The following SLCO6A1 variants were observed in gnomAD, a reference collection of about 807,000 sequenced individuals.
The protein encoded by SLCO6A1 is solute carrier organic anion transporter family member 6A1.
SLCO6A1 carries 65 observed loss-of-function variants against 72.7 expected under a neutral mutation model. The ratio of observed to expected loss-of-function variants is 0.89; its 90% CI spans 0.73 to 1.10. The LOEUF (loss-of-function observed/expected upper bound fraction) is 1.10. Ranked by LOEUF, SLCO6A1 falls within the 50% of genes least tolerant of loss-of-function variation. The pLI is 0.00. For missense variants in SLCO6A1, 874 were observed against 872.6 expected, an observed-to-expected ratio of 1.00 and a Z score of -0.02; for synonymous variants, 314 against 298.2, an observed-to-expected ratio of 1.05 and a Z score of -0.55.
intron 6 of SLCO6A1, among the ~76,000 whole-genome samples, chr5:102,440,175 G>A (rs568720746): frequency 1.3e-3 from 191 of 152,162 alleles, no homozygotes; most frequent in African/African-American, 4.4e-3. Flanking sequence ...GAGCAAACAA[G>A]CCTTCAGATG....
intron 6 of SLCO6A1, among the ~76,000 whole-genome samples, chr5:102,439,445 C>T (rs1749718198): frequency 6.6e-6 from 1 of 151,890 alleles, no homozygotes; most frequent in South Asian, 2.1e-4. Flanking sequence ...ATATTTAGTG[C>T]TATTTTATGT....
chr5:102,443,580 CA>C (rs1304148594), intron 6 of SLCO6A1, among the ~76,000 whole-genome samples: 1 of 152,054 alleles, frequency 6.6e-6, no homozygotes, highest in Non-Finnish European at 1.5e-5. Flanking sequence ...GTGCTGATGC[CA>C]AAAACTGTAA....
At chr5:102,490,018 A>C (rs1207193526) in intron 1 of SLCO6A1, among the ~76,000 whole-genome samples, 2 of 152,240 alleles carry the variant, frequency 1.3e-5, no homozygotes. Flanking sequence ...GTTCTCACTC[A>C]TATGTATAAT....
intron 7 of SLCO6A1, among the ~76,000 whole-genome samples, chr5:102,424,984 T>C (rs931880520): frequency 8.5e-5 from 13 of 152,160 alleles, no homozygotes; most frequent in Admixed American, 7.9e-4. Flanking sequence ...TCAATAAACA[T>C]AATCCATCAC....
intron 9 of SLCO6A1, among the ~76,000 whole-genome samples, chr5:102,406,895 G>A (rs953848597): frequency 6.6e-6 from 1 of 152,152 alleles, no homozygotes; most frequent in Non-Finnish European, 1.5e-5. Context: ...ATAAACAGAT[G>A]AAAGGGGACA....
intron 12 of SLCO6A1, among the ~76,000 whole-genome samples, chr5:102,375,850 A>C (rs1745754882): frequency 6.6e-6 from 1 of 152,120 alleles, no homozygotes; most frequent in Admixed American, 6.6e-5. Flanking sequence ...AGTAGGAAAA[A>C]TGAGATAAAA....
chr5:102,445,317 T>C (rs1406129052), intron 6 of SLCO6A1, among the ~76,000 whole-genome samples: 2 of 152,194 alleles, frequency 1.3e-5, no homozygotes, highest in Non-Finnish European at 2.9e-5. Flanking sequence ...TCCCTAATAA[T>C]GAGTGACACT....
intron 10 of SLCO6A1, among the ~76,000 whole-genome samples, chr5:102,391,736 T>C (rs145618252): frequency 1.3e-5 from 2 of 152,258 alleles, no homozygotes; most frequent in East Asian, 3.9e-4. Flanking sequence ...AAATAGTCAC[T>C]TAATTCAACC....
At chr5:102,476,897 T>C (rs1751927940) in intron 3 of SLCO6A1, among the ~76,000 whole-genome samples, 1 of 152,058 alleles carries the variant, frequency 6.6e-6, no homozygotes, top group Non-Finnish European at 1.5e-5. Flanking sequence ...TAGATAACCC[T>C]GTACAAATAG....
rs1750738562 is a variant in SLCO6A1, at chr5:102,373,443, A to G, written c.2069T>C (p.Ile690Thr). ...TIIFTTIAFF[I>T]YKRRLNENTD... ...GTTCTCATTTAGACGACGTTTGTAT[A>G]TGAAAAATGCAATAGTAGTGAAGAT... The change falls in exon 13 of 14, where the codon ATA (isoleucine) becomes ACA (threonine). Residue 690 changes from isoleucine to threonine, a missense_variant. Transcript: ENST00000506729. 3 of 1,574,848 alleles carry G rather than the reference A, an allele frequency of 1.9e-6. No individual in the cohort carries two copies. In the Admixed American group the frequency reaches 5.6e-5, roughly 29 times the overall value.
chr5:102,454,997 AATATATATAAAT>A (rs1332163467), intron 6 of SLCO6A1, among the ~76,000 whole-genome samples: 12 of 81,002 alleles, frequency 1.5e-4, no homozygotes, highest in Non-Finnish European at 2.5e-4. Flanking sequence ...AGTATAACAA[AATATATATAAAT>A]ATATATATAT....
chr5:102,458,251 T>C (rs1177645390), intron 6 of SLCO6A1, 131 bp downstream of exon 6: 2 of 623,010 alleles, frequency 3.2e-6, no homozygotes, highest in Non-Finnish European at 5.5e-6. Context: ...TAAAGTATAA[T>C]AATAAAAAAG....
chr5:102,418,680 A>C (rs1748426318), intron 8 of SLCO6A1, among the ~76,000 whole-genome samples: 1 of 152,112 alleles, frequency 6.6e-6, no homozygotes, highest in Admixed American at 6.6e-5. Context: ...TGGCCAGGCC[A>C]TAGTACTTTA....
At chr5:102,407,522 C>T (rs769338403) in intron 9 of SLCO6A1, among the ~76,000 whole-genome samples, 3 of 152,204 alleles carry the variant, frequency 2.0e-5, no homozygotes, top group Non-Finnish European at 2.9e-5. Context: ...AATATTGGAG[C>T]TCATCTGCCT....
At chr5:102,462,795 T>G (rs1181231591) in intron 4 of SLCO6A1, among the ~76,000 whole-genome samples, 1 of 152,200 alleles carries the variant, frequency 6.6e-6, no homozygotes, top group Non-Finnish European at 1.5e-5. Flanking sequence ...ATCAAAGACT[T>G]AAATTTAAGA....
chr5:102,435,919 A>G (rs1370894401), intron 7 of SLCO6A1, among the ~76,000 whole-genome samples: 1 of 151,922 alleles, frequency 6.6e-6, no homozygotes, highest in African/African-American at 2.4e-5. Flanking sequence ...CTGGAGGTTT[A>G]TAGTGGATTG....
chr5:102,430,581 T>G (rs1226604794), intron 7 of SLCO6A1, among the ~76,000 whole-genome samples: 1 of 152,182 alleles, frequency 6.6e-6, no homozygotes, highest in Non-Finnish European at 1.5e-5. Context: ...TTTAGTTCTA[T>G]TTATGTGATA....
At chr5:102,468,954 A>C (rs917562916) in intron 4 of SLCO6A1, among the ~76,000 whole-genome samples, 4 of 152,146 alleles carry the variant, frequency 2.6e-5, no homozygotes, top group African/African-American at 9.7e-5. Context: ...AGGTTTGTCA[A>C]AGATCAGATG....
intron 9 of SLCO6A1, 34 bp from the exon 10 acceptor site, chr5:102,399,776 G>A: frequency 7.1e-7 from 1 of 1,413,632 alleles, no homozygotes; most frequent in Non-Finnish European, 9.4e-7. Context: ...CAATCTTTCA[G>A]AAAAATAGTC....
Sources: gnomAD v4.1 joint callset for allele counts (sites outside exome capture counted in the v4.1 genomes callset) on GRCh38, gnomAD v4.1.1 for gene constraint, MANE v1.5 for transcripts, NCBI Gene and HGNC (gene_info 2026-07-23, HGNC 2026-07-21) for gene names.